CNGB3: variants seen among roughly 807,000 people sequenced by gnomAD.
CNGB3 encodes cyclic nucleotide-gated channel beta-3.
CNGB3 carries 86 observed loss-of-function variants against 92.8 expected under a neutral mutation model. The ratio of observed to expected loss-of-function variants is 0.93; its 90% CI spans 0.78 to 1.11. CNGB3 has a LOEUF of 1.11. Ranked by LOEUF, CNGB3 falls within the 50% of genes least tolerant of loss-of-function variation. The pLI is 0.00. For missense variants in CNGB3, 1,026 were observed against 956.8 expected (o/e 1.07, Z -0.95); for synonymous variants, 333 against 332.7 (o/e 1.00, Z -0.01).
chr8:86,621,952 A>G (rs1822740657), intron 13 of CNGB3, among the ~76,000 whole-genome samples: 1 of 152,160 alleles, frequency 6.6e-6, no homozygotes, highest in Non-Finnish European at 1.5e-5. Context: ...AGGCTGAGGC[A>G]GGAGAATCGC....
chr8:86,735,723 C>T (rs1361130435), intron 2 of CNGB3, among the ~76,000 whole-genome samples: 4 of 152,144 alleles, frequency 2.6e-5, no homozygotes, highest in Admixed American at 2.6e-4. Context: ...TTGGGGTTAC[C>T]TGAATAATCT....
At chr8:86,614,599 G>A (rs961121991) in intron 13 of CNGB3, among the ~76,000 whole-genome samples, 1 of 152,084 alleles carries the variant, frequency 6.6e-6, no homozygotes, top group African/African-American at 2.4e-5. Flanking sequence ...TGTCTCGCCT[G>A]ACTGACATAT....
At chr8:86,734,104 T>G (rs1825205650) in intron 2 of CNGB3, among the ~76,000 whole-genome samples, 1 of 152,172 alleles carries the variant, frequency 6.6e-6, no homozygotes, top group South Asian at 2.1e-4. Context: ...GAAATCCTCC[T>G]GTCTTGGGCT....
chr8:86,619,084 G>C (rs1215083261), intron 13 of CNGB3, among the ~76,000 whole-genome samples: 1 of 152,146 alleles, frequency 6.6e-6, no homozygotes, highest in Non-Finnish European at 1.5e-5. Flanking sequence ...CTTCCTTGTC[G>C]GACTGTAGTA....
intron 2 of CNGB3, among the ~76,000 whole-genome samples, chr8:86,734,909 T>A (rs1478234920): frequency 6.6e-6 from 1 of 152,092 alleles, no homozygotes. Context: ...AACCCAACAC[T>A]GATAACAGTG....
Position 86,669,500 on chromosome 8 carries a change from G to A in CNGB3, c.494-1332C>T, listed in dbSNP as rs576678184. ...GGAGCATTAATAAAGCCAGAGATCC[G>A]AAACACTGCAAACGTACATCATTCC... On this transcript the variant is annotated intron_variant, in intron 4 of 17. Coordinates refer to ENST00000320005, the MANE Select transcript of CNGB3 (RefSeq NM_019098.5). 7.9e-5 allele frequency among the ~76,000 whole-genome samples: 12 copies of A among 152,238 alleles called. No individual in the cohort carries two copies. In the East Asian group the frequency reaches 2.1e-3, roughly 27 times the overall value.
chr8:86,660,058 AC>A, intron 6 of CNGB3: 2 of 328,834 alleles, frequency 6.1e-6, no homozygotes, highest in Admixed American at 3.9e-5. Flanking sequence ...GGGAAGAGAC[AC>A]CACCAGCTAA....
chr8:86,642,642 C>T (rs1422861697), intron 10 of CNGB3, among the ~76,000 whole-genome samples: 2 of 151,526 alleles, frequency 1.3e-5, no homozygotes, highest in Non-Finnish European at 1.5e-5. Context: ...TTGGACATTG[C>T]CTTATTATAT....
At chr8:86,592,900 C>T (rs557655354) in intron 15 of CNGB3, among the ~76,000 whole-genome samples, 1 of 152,322 alleles carries the variant, frequency 6.6e-6, no homozygotes, top group Admixed American at 6.5e-5. Context: ...TTAGGAAACA[C>T]TTTATTCCTT....
intron 6 of CNGB3, chr8:86,657,472 G>A: frequency 1.9e-6 from 1 of 516,792 alleles, no homozygotes; most frequent in Non-Finnish European, 4.0e-6. Context: ...GCTCCTGGGG[G>A]TTCTGCATCT....
intron 10 of CNGB3, among the ~76,000 whole-genome samples, chr8:86,641,267 T>C (rs762002028): frequency 7.9e-5 from 12 of 151,950 alleles, no homozygotes; most frequent in Admixed American, 1.3e-4. Context: ...TCCCTGAAAA[T>C]TCATGAATAA....
intron 3 of CNGB3, among the ~76,000 whole-genome samples, chr8:86,715,981 TA>T (rs915399373): frequency 2.4e-4 from 37 of 151,188 alleles, no homozygotes; most frequent in African/African-American, 4.6e-4. Flanking sequence ...ATAATAATAA[TA>T]AAAAAAATTA....
chr8:86,692,256 A>G (rs567994688), intron 3 of CNGB3, among the ~76,000 whole-genome samples: 32 of 152,278 alleles, frequency 2.1e-4, no homozygotes, highest in African/African-American at 7.5e-4. Flanking sequence ...GTTGTAGTTT[A>G]TAGTTTAAGT....
chr8:86,653,911 C>G, intron 7 of CNGB3, 101 bp downstream of exon 7: 12 of 832,082 alleles, frequency 1.4e-5, no homozygotes, highest in Middle Eastern at 4.6e-4. Flanking sequence ...TCTAATAAAA[C>G]TTCGTATGTA....
chr8:86,713,469 A>G (rs557674373), intron 3 of CNGB3, among the ~76,000 whole-genome samples: 7 of 152,318 alleles, frequency 4.6e-5, no homozygotes, highest in Admixed American at 1.3e-4. Context: ...TATATACTCT[A>G]TGTAAACTTG....
At chr8:86,701,222 C>T (rs1000361366) in intron 3 of CNGB3, among the ~76,000 whole-genome samples, 2 of 152,004 alleles carry the variant, frequency 1.3e-5, no homozygotes, top group Non-Finnish European at 2.9e-5. Context: ...TCAGCTGTTC[C>T]TTGGCTTTAG....
At chr8:86,622,379 T>C (rs967128602) in intron 13 of CNGB3, among the ~76,000 whole-genome samples, 1 of 150,302 alleles carries the variant, frequency 6.7e-6, no homozygotes, top group Non-Finnish European at 1.5e-5. Context: ...ATTCTTCTTT[T>C]TTTTTTTTTT....
Position 86,612,543 on chromosome 8 carries a change from T to A in CNGB3, c.1579-872A>T, listed in dbSNP as rs890140682. ...GCAGAGAAAGGAGAAGCAAAGGGTC[T>A]GCTTCCAATTTGTGGATCAGACAAT... is the stretch of plus-strand genomic sequence containing the variant. On this transcript the variant is annotated intron_variant, in intron 13 of 17. Transcript: ENST00000320005. Among the ~76,000 whole-genome samples, 5 of 152,352 alleles carry A rather than the reference T, an allele frequency of 3.3e-5. No homozygotes were observed. In the South Asian group the frequency reaches 8.3e-4, roughly 25 times the overall value.
At chr8:86,634,135 G>A (rs1823017783) in intron 10 of CNGB3, among the ~76,000 whole-genome samples, 1 of 152,154 alleles carries the variant, frequency 6.6e-6, no homozygotes, top group Non-Finnish European at 1.5e-5. Context: ...GCTATCCAGA[G>A]AGTCCTTAAC....
Sources: allele counts gnomAD v4.1 joint callset (sites outside exome capture counted in the v4.1 genomes callset), GRCh38; gene constraint gnomAD v4.1.1; transcripts MANE v1.5; gene names NCBI Gene and HGNC (gene_info 2026-07-23, HGNC 2026-07-21).